The following ERC2 variants were observed in gnomAD, a reference collection of about 807,000 sequenced individuals.
ERC2 encodes the protein ELKS/RAB6-interacting/CAST family member 2.
A neutral mutation model predicts 114.8 loss-of-function variants in ERC2; 42 were observed. The observed-to-expected ratio is 0.37, with a 90% CI of 0.29 to 0.47. The LOEUF (loss-of-function observed/expected upper bound fraction) is 0.47, where lower values mean the gene tolerates loss of function less well. ERC2 is among the 20% of genes least tolerant of loss of function. The pLI is 0.99. For synonymous variants in ERC2, 454 were observed against 425.5 expected, an observed-to-expected ratio of 1.07 and a Z score of -0.82; for missense variants, 939 against 1,150.7, an observed-to-expected ratio of 0.82 and a Z score of 2.66.
intron 12 of ERC2, among the ~76,000 whole-genome samples, chr3:55,961,104 G>A (rs755036736): frequency 6.6e-6 from 1 of 152,224 alleles, no homozygotes; most frequent in Non-Finnish European, 1.5e-5. Context: ...CTGAATGAAA[G>A]AACAAAACTT....
chr3:55,675,268 A>T (rs1553624676), intron 17 of ERC2, among the ~76,000 whole-genome samples: 1 of 152,206 alleles, frequency 6.6e-6, no homozygotes, highest in Non-Finnish European at 1.5e-5. Flanking sequence ...AAACATGTTC[A>T]TGGGGAAGCC....
At chr3:55,916,373 A>G (rs1283084683) in intron 13 of ERC2, among the ~76,000 whole-genome samples, 1 of 152,186 alleles carries the variant, frequency 6.6e-6, no homozygotes, top group Non-Finnish European at 1.5e-5. Context: ...ATTTTTCACA[A>G]CACAAGGAAT....
chr3:56,458,854 G>C (rs1388263269), intron 1 of ERC2, among the ~76,000 whole-genome samples: 1 of 152,174 alleles, frequency 6.6e-6, no homozygotes, highest in Admixed American at 6.5e-5. Context: ...TGTAAAAAAA[G>C]AGTCAACAAC....
chr3:56,460,535 G>C (rs970271924), intron 1 of ERC2, among the ~76,000 whole-genome samples: 4 of 152,262 alleles, frequency 2.6e-5, no homozygotes, highest in East Asian at 1.9e-4. Context: ...ACCTGTATAG[G>C]TAATATGAAA....
At chr3:56,360,828 A>G (rs954416258) in intron 2 of ERC2, among the ~76,000 whole-genome samples, 23 of 152,200 alleles carry the variant, frequency 1.5e-4, no homozygotes, top group African/African-American at 5.1e-4. Flanking sequence ...GAATCACTTG[A>G]AACCAGGAGG....
At chr3:56,055,027 G>A (rs2075951493) in intron 7 of ERC2, among the ~76,000 whole-genome samples, 1 of 152,198 alleles carries the variant, frequency 6.6e-6, no homozygotes, top group African/African-American at 2.4e-5. Context: ...CAATGCGCGT[G>A]TTAGGTTGCA....
intron 4 of ERC2, among the ~76,000 whole-genome samples, chr3:56,166,714 A>G (rs1366185750): frequency 6.6e-6 from 1 of 152,016 alleles, no homozygotes; most frequent in Non-Finnish European, 1.5e-5. Flanking sequence ...CTCATATTTT[A>G]ATGTTAATAA....
At chr3:55,907,634 T>C (rs2064538747) in intron 13 of ERC2, among the ~76,000 whole-genome samples, 1 of 152,100 alleles carries the variant, frequency 6.6e-6, no homozygotes, top group African/African-American at 2.4e-5. Flanking sequence ...GATCCATCAG[T>C]ATAAAACATG....
intron 14 of ERC2, among the ~76,000 whole-genome samples, chr3:55,884,371 G>T (rs989513875): frequency 6.6e-6 from 1 of 152,156 alleles, no homozygotes; most frequent in South Asian, 2.1e-4. Flanking sequence ...CATTTGCAAA[G>T]ATATACACCA....
intron 14 of ERC2, among the ~76,000 whole-genome samples, chr3:55,854,995 C>T (rs932838962): frequency 3.3e-5 from 5 of 152,136 alleles, no homozygotes; most frequent in Admixed American, 3.3e-4. Context: ...AAGCACGATG[C>T]TCAAAGTATG....
At chr3:55,726,839 C>A (rs1420159308) in intron 15 of ERC2, among the ~76,000 whole-genome samples, 1 of 152,112 alleles carries the variant, frequency 6.6e-6, no homozygotes, top group Non-Finnish European at 1.5e-5. Context: ...TATGTGTTTC[C>A]TGGTGGCCAA....
chr3:56,117,627 T>C (rs887210965), intron 6 of ERC2, among the ~76,000 whole-genome samples: 4 of 152,190 alleles, frequency 2.6e-5, no homozygotes, highest in African/African-American at 9.7e-5. Flanking sequence ...AATAGCATGA[T>C]GTAAGGCAGG....
intron 3 of ERC2, among the ~76,000 whole-genome samples, chr3:56,215,712 G>A (rs960430799): frequency 7.2e-5 from 11 of 152,040 alleles, no homozygotes; most frequent in South Asian, 4.2e-4. Flanking sequence ...ACCACACTGC[G>A]CTTATTCCAA....
intron 17 of ERC2, among the ~76,000 whole-genome samples, chr3:55,578,311 G>A (rs376591555): frequency 2.0e-5 from 3 of 152,130 alleles, no homozygotes; most frequent in East Asian, 1.9e-4. Context: ...TGGTCCCTGC[G>A]ACTCTCCCAG....
At chr3:55,555,505 G>C (rs967673809) in intron 17 of ERC2, among the ~76,000 whole-genome samples, 4 of 152,196 alleles carry the variant, frequency 2.6e-5, no homozygotes, top group Admixed American at 6.5e-5. Flanking sequence ...GCAATGTTAG[G>C]GGGAGGGTCA....
At chr3:55,767,210 T>C (rs904882091) in intron 14 of ERC2, among the ~76,000 whole-genome samples, 1 of 152,218 alleles carries the variant, frequency 6.6e-6, no homozygotes, top group African/African-American at 2.4e-5. Context: ...AGTGTTCCAG[T>C]GGCATAATTA....
chr3:55,874,487 T>C (rs966672317), intron 14 of ERC2, among the ~76,000 whole-genome samples: 1 of 152,150 alleles, frequency 6.6e-6, no homozygotes, highest in Non-Finnish European at 1.5e-5. Context: ...GACTTTAGTA[T>C]CAATCAGCTT....
In ERC2 at chr3:56,461,196, G is replaced by T. The variant is rs79672170; in HGVS notation, c.-141+7052C>A. Among the ~76,000 whole-genome samples the T allele has an allele frequency of 8.5e-4, 129 of 152,282 alleles. 1 individual carries two copies. Among genetic ancestry groups the T allele is most frequent in the African/African-American group, 2.9e-3 (121 of 41,558 alleles). On this transcript the variant is annotated intron_variant, in intron 1 of 17. Transcript: ENST00000288221. ...TACAAAGTAAGGACAAGCTGGCCAGGCTTCAGGTTAATCCAGAAGGCACCC... is the reference window on the plus strand; with the variant it reads ...TACAAAGTAAGGACAAGCTGGCCAGTCTTCAGGTTAATCCAGAAGGCACCC...
At chr3:56,274,141 G>A (rs2053840059) in intron 3 of ERC2, among the ~76,000 whole-genome samples, 1 of 152,182 alleles carries the variant, frequency 6.6e-6, no homozygotes. Context: ...ATTACCGCCT[G>A]AGCTCCCCCT....
Sources: gnomAD v4.1 joint callset for allele counts (sites outside exome capture counted in the v4.1 genomes callset) on GRCh38, gnomAD v4.1.1 for gene constraint, MANE v1.5 for transcripts, NCBI Gene and HGNC (gene_info 2026-07-23, HGNC 2026-07-21) for gene names.